The following CBR4 variants were observed in gnomAD, a reference collection of about 807,000 sequenced individuals.
The protein encoded by CBR4 is 3-oxoacyl-[acyl-carrier-protein] reductase.
CBR4 carries 22 observed loss-of-function variants against 21.0 expected under a neutral mutation model. The observed-to-expected ratio is 1.05, with a 90% CI of 0.75 to 1.50. The LOEUF (loss-of-function observed/expected upper bound fraction) is 1.50. CBR4 is among the 40% of genes most tolerant of loss of function. CBR4 has a pLI of 0.00. For missense variants in CBR4, 302 were observed against 286.3 expected, an observed-to-expected ratio of 1.05 and a Z score of -0.40; for synonymous variants, 100 against 104.4, an observed-to-expected ratio of 0.96 and a Z score of 0.26.
intron 2 of CBR4, among the ~76,000 whole-genome samples, chr4:168,906,944 T>C (rs1001771406): frequency 6.6e-6 from 1 of 152,162 alleles, no homozygotes; most frequent in Admixed American, 6.5e-5. Flanking sequence ...GCAACACCGA[T>C]GATACTGAAA....
At chr4:168,907,696 C>T (rs980484988) in intron 2 of CBR4, among the ~76,000 whole-genome samples, 2 of 152,180 alleles carry the variant, frequency 1.3e-5, no homozygotes, top group African/African-American at 2.4e-5. Flanking sequence ...CCATGGTTAA[C>T]CCTCTCTGGT....
chr4:168,911,516 C>A (rs1357036938), intron 2 of CBR4, among the ~76,000 whole-genome samples: 1 of 152,150 alleles, frequency 6.6e-6, no homozygotes, highest in African/African-American at 2.4e-5. Context: ...TCCTTGTCCT[C>A]AACCTCCAAA....
At chr4:168,990,658 G>A (rs941430263) in intron 4 of CBR4, among the ~76,000 whole-genome samples, 3 of 151,934 alleles carry the variant, frequency 2.0e-5, no homozygotes, top group African/African-American at 7.2e-5. Flanking sequence ...CTGGACTCAA[G>A]GGATCGGCCC....
chr4:168,896,590 TG>T, intron 2 of CBR4: 1 of 1,512,668 alleles, frequency 6.6e-7, no homozygotes, highest in Non-Finnish European at 8.9e-7. Flanking sequence ...GTCCTCTGGA[TG>T]GTCAAAAGGT....
chr4:168,896,214 A>G (rs1755129180), intron 2 of CBR4, among the ~76,000 whole-genome samples: 1 of 151,948 alleles, frequency 6.6e-6, no homozygotes, highest in African/African-American at 2.4e-5. Flanking sequence ...ATCTCAAAAA[A>G]AAAAAAAAAA....
At chr4:168,899,232 T>C (rs1336221174) in intron 2 of CBR4, among the ~76,000 whole-genome samples, 1 of 152,198 alleles carries the variant, frequency 6.6e-6, no homozygotes, top group Non-Finnish European at 1.5e-5. Flanking sequence ...TCTGATACCA[T>C]GCAGGACTAG....
chr4:168,926,543 T>G, intron 2 of CBR4: 1 of 576,676 alleles, frequency 1.7e-6, no homozygotes. Context: ...TATACCAAAC[T>G]TAGTTTAAGT....
chr4:169,000,834 T>C (rs1730368081), intron 4 of CBR4, among the ~76,000 whole-genome samples: 1 of 152,134 alleles, frequency 6.6e-6, no homozygotes, highest in African/African-American at 2.4e-5. Flanking sequence ...TATCAACTAG[T>C]ACCCTGGCGA....
At chr4:168,987,576 T>C (rs1764731920), downstream of CBR4, 1 of 836,312 alleles carries the variant, frequency 1.2e-6, no homozygotes, top group Non-Finnish European at 1.4e-6. Context: ...AAAGATAAAA[T>C]TAACATCAGA....
chr4:169,002,135 T>C lies in CBR4; in HGVS notation c.471A>G (p.Gly157=), dbSNP rs1730498903. 2 of 1,576,540 alleles carry C rather than the reference T, an allele frequency of 1.3e-6. No individual in the cohort carries two copies. The highest frequency in any genetic ancestry group is 1.7e-6 in the Non-Finnish European group (2 of 1,167,654). ...CCTCTTTAGCAAGAGCACGTGAAAA[T>C]CCAACTAATCCTCCTTTACTGGCAC... The part of the protein sequence containing the change: ...VYSASKGGLV[G]FSRALAKEVA... Residue 157 remains glycine (G), a synonymous_variant, in exon 4 of 5, where the codon GGA becomes GGG. Coordinates refer to ENST00000306193, the MANE Select transcript of CBR4 (RefSeq NM_032783.5).
At chr4:168,950,933 G>A (rs372982756) in intron 2 of CBR4, among the ~76,000 whole-genome samples, 2 of 152,074 alleles carry the variant, frequency 1.3e-5, no homozygotes, top group East Asian at 1.9e-4. Context: ...GTGCCTATTT[G>A]CATGAAATGC....
At chr4:168,894,506 C>T (rs1304909747) in intron 3 of CBR4, 4 of 893,648 alleles carry the variant, frequency 4.5e-6, no homozygotes, top group Non-Finnish European at 7.3e-6. Flanking sequence ...TTGTTTTTTA[C>T]TCTTTTTCAT....
intron 2 of CBR4, among the ~76,000 whole-genome samples, chr4:168,929,971 C>G (rs973168371): frequency 2.0e-5 from 3 of 152,018 alleles, no homozygotes; most frequent in African/African-American, 7.2e-5. Context: ...AACATTACCC[C>G]CTAGCTGAAA....
At chr4:168,972,893 TATA>T (rs1029857532) in intron 2 of CBR4, among the ~76,000 whole-genome samples, 7 of 152,252 alleles carry the variant, frequency 4.6e-5, no homozygotes, top group African/African-American at 1.7e-4. Flanking sequence ...CCCCATTCAG[TATA>T]ATGTTGGTTG....
At chr4:168,968,635 A>C (rs1490957249) in intron 2 of CBR4, among the ~76,000 whole-genome samples, 2 of 152,182 alleles carry the variant, frequency 1.3e-5, no homozygotes, top group Non-Finnish European at 2.9e-5. Context: ...GCTTGATTGA[A>C]TGTACTGTAA....
rs146314961 is a variant in CBR4 at position 168,904,799 on chromosome 4, T to C, written n.170-10034A>G. On this transcript the variant is annotated intron_variant and non_coding_transcript_variant, in intron 2 of 3. Transcript: ENST00000509108. Reference sequence around the variant, plus strand: ...AGAAAATATTTAGCATTAGAAACTATATAAATAATTTTAATGACACTACAA... The same window carrying C: ...AGAAAATATTTAGCATTAGAAACTACATAAATAATTTTAATGACACTACAA... Among the ~76,000 whole-genome samples the C allele has an allele frequency of 8.7e-4, 133 of 152,274 alleles. 1 individual carries two copies. Among genetic ancestry groups the C allele is most frequent in the African/African-American group, 2.9e-3 (121 of 41,564 alleles).
At chr4:168,919,906 G>T (rs1761083911) in intron 2 of CBR4, among the ~76,000 whole-genome samples, 1 of 152,294 alleles carries the variant, frequency 6.6e-6, no homozygotes, top group Admixed American at 6.5e-5. Context: ...GGTACAAGGG[G>T]CATTCTCTTT....
intron 2 of CBR4, among the ~76,000 whole-genome samples, chr4:168,895,380 C>CCAAAA (rs1446424787): frequency 1.3e-5 from 2 of 152,146 alleles, no homozygotes; most frequent in Non-Finnish European, 2.9e-5. Flanking sequence ...GACTTCGTCT[C>CCAAAA]CAAAACAAAA....
downstream of CBR4, among the ~76,000 whole-genome samples, chr4:168,987,188 G>T (rs944913998): frequency 2.0e-5 from 3 of 152,186 alleles, no homozygotes; most frequent in Admixed American, 6.5e-5. Flanking sequence ...CTGCCTAAGA[G>T]AAAATAGTCG....
Sources: allele counts gnomAD v4.1 joint callset (sites outside exome capture counted in the v4.1 genomes callset), GRCh38; gene constraint gnomAD v4.1.1; transcripts MANE v1.5; gene names NCBI Gene and HGNC (gene_info 2026-07-23, HGNC 2026-07-21).